Variants in GPHN observed in about 807,000 individuals in gnomAD.
GPHN encodes the protein gephyrin.
A neutral mutation model predicts 95.5 loss-of-function variants in GPHN; 17 were observed. The ratio of observed to expected loss-of-function variants is 0.18; its 90% CI spans 0.12 to 0.27. The LOEUF (loss-of-function observed/expected upper bound fraction) is 0.27. Among genes scored for constraint, GPHN ranks in the 10% least tolerant of loss-of-function variants. The probability of loss-of-function intolerance (pLI) is 1.00; values close to 1 mark genes in which losing one functional copy is unlikely to be tolerated. For synonymous variants in GPHN, 320 were observed against 322.5 expected, an observed-to-expected ratio of 0.99 and a Z score of 0.08; for missense variants, 660 against 978.1, an observed-to-expected ratio of 0.67 and a Z score of 4.34.
At chr14:66,721,194 A>G (rs905202440) in intron 2 of GPHN, among the ~76,000 whole-genome samples, 20 of 152,308 alleles carry the variant, frequency 1.3e-4, no homozygotes, top group African/African-American at 4.3e-4. Context: ...TTTCCATTAG[A>G]CACTTTGGCC....
chr14:67,169,274 G>C (rs1315862659), intron 21 of GPHN: 1 of 563,828 alleles, frequency 1.8e-6, no homozygotes, highest in Non-Finnish European at 3.2e-6. Context: ...CGAGTCCAGA[G>C]AGCACGGCTT....
intron 2 of GPHN, among the ~76,000 whole-genome samples, chr14:66,703,713 C>A (rs762884205): frequency 2.0e-5 from 3 of 148,218 alleles, no homozygotes; most frequent in Non-Finnish European, 4.4e-5. Flanking sequence ...ATGACACTAT[C>A]AAGAAACTGC....
At chr14:67,348,290 G>A in the GPHN span, among the ~76,000 whole-genome samples, 1 of 151,938 alleles carries the variant, frequency 6.6e-6, no homozygotes, top group Non-Finnish European at 1.5e-5. Context: ...GGCTGGTCTC[G>A]AACTCCCGAC....
At chr14:67,149,913 A>G (rs1365212891) in intron 18 of GPHN, among the ~76,000 whole-genome samples, 2 of 152,196 alleles carry the variant, frequency 1.3e-5, no homozygotes, top group African/African-American at 4.8e-5. Context: ...TAAGAAGTAC[A>G]TAGTTACTAA....
At chr14:67,412,657 A>G in the GPHN span, among the ~76,000 whole-genome samples, 1 of 152,206 alleles carries the variant, frequency 6.6e-6, no homozygotes, top group Non-Finnish European at 1.5e-5. Flanking sequence ...CTCCCTCAAA[A>G]AAGATGAAGC....
chr14:67,385,691 A>G, the GPHN span: 9 of 117,410 alleles, frequency 7.7e-5, no homozygotes, highest in South Asian at 7.8e-4. Flanking sequence ...AAATGGTGTT[A>G]TATTGCCTGG....
At chr14:66,891,093 A>G (rs2153540579) in intron 5 of GPHN, among the ~76,000 whole-genome samples, 1 of 152,268 alleles carries the variant, frequency 6.6e-6, no homozygotes, top group Admixed American at 6.5e-5. Context: ...CACTTAGGCA[A>G]TAAACAGAAA....
At chr14:66,840,939 A>G (rs760601196) in intron 4 of GPHN, among the ~76,000 whole-genome samples, 2 of 149,780 alleles carry the variant, frequency 1.3e-5, no homozygotes, top group Non-Finnish European at 2.9e-5. Flanking sequence ...TTAATGCTTC[A>G]TGGACTCAAA....
chr14:66,568,566 T>C (rs1394660649), intron 1 of GPHN, among the ~76,000 whole-genome samples: 3 of 152,168 alleles, frequency 2.0e-5, no homozygotes, highest in Non-Finnish European at 4.4e-5. Flanking sequence ...GAAATTTTAA[T>C]GAAAAAGTAT....
chr14:67,330,214 AG>A, the GPHN span, among the ~76,000 whole-genome samples: 4 of 150,684 alleles, frequency 2.7e-5, no homozygotes, highest in African/African-American at 9.7e-5. Flanking sequence ...AATAAGTTGG[AG>A]GGCATTTGTC....
the GPHN span, among the ~76,000 whole-genome samples, chr14:67,530,414 T>G: frequency 6.6e-6 from 1 of 152,272 alleles, no homozygotes; most frequent in Non-Finnish European, 1.5e-5. Context: ...TTCCCTCCCA[T>G]AGTGCTGTCC....
At chr14:67,205,015 G>A in the GPHN span, 2 of 1,556,196 alleles carry the variant, frequency 1.3e-6, no homozygotes, top group Non-Finnish European at 1.7e-6. Flanking sequence ...AGACAGCTCT[G>A]ATATTACAAA....
chr14:67,181,654 C>T lies in GPHN; in HGVS notation c.*717C>T, dbSNP rs1483525161. The T allele has an allele frequency of 6.4e-6, 2 of 310,160 alleles. No homozygotes were observed. The highest frequency in any genetic ancestry group is 6.2e-5 in the East Asian group (1 of 16,058). The allele number at this position is 310,160 out of a possible 1,614,324, so 19.2% of individuals were successfully genotyped here. ...CAGAACAAAAAAATAAAATCAAAGACTGATCTTGTACAGATATTAGTGTTA... is the reference window on the plus strand; with the variant it reads ...CAGAACAAAAAAATAAAATCAAAGATTGATCTTGTACAGATATTAGTGTTA... On this transcript the variant is annotated 3_prime_UTR_variant, in exon 23 of 23. Transcript: ENST00000478722.
chr14:67,657,165 A>C, the GPHN span: 1 of 152,182 alleles, frequency 6.6e-6, no homozygotes, highest in East Asian at 1.9e-4. Context: ...GGCCTGACTC[A>C]CTTGGCTTCT....
chr14:66,558,396 AT>A (rs894710708), intron 1 of GPHN, among the ~76,000 whole-genome samples: 3 of 152,120 alleles, frequency 2.0e-5, no homozygotes, highest in Non-Finnish European at 4.4e-5. Flanking sequence ...AAGATCAAAA[AT>A]TTTTTTATAT....
intron 1 of GPHN, among the ~76,000 whole-genome samples, chr14:66,554,941 G>A (rs112921618): frequency 6.6e-6 from 1 of 152,110 alleles, no homozygotes. Flanking sequence ...TGAAGTAGAA[G>A]CCTTCATATA....
chr14:66,918,074 G>T (rs905773039), intron 6 of GPHN, among the ~76,000 whole-genome samples: 3 of 152,138 alleles, frequency 2.0e-5, no homozygotes, highest in African/African-American at 7.2e-5. Flanking sequence ...TAATTTACTA[G>T]CATTCATGGA....
chr14:66,530,614 C>G (rs890177039), intron 1 of GPHN, among the ~76,000 whole-genome samples: 24 of 152,194 alleles, frequency 1.6e-4, no homozygotes, highest in Admixed American at 1.3e-4. Flanking sequence ...ATCTCCTGGT[C>G]TATGGGTTGT....
chr14:67,014,967 A>G (rs1269216867), intron 9 of GPHN, among the ~76,000 whole-genome samples: 1 of 152,226 alleles, frequency 6.6e-6, no homozygotes, highest in African/African-American at 2.4e-5. Flanking sequence ...TTAAAGCTTT[A>G]TATAGGAAAT....
Sources: gnomAD v4.1 joint callset for allele counts (sites outside exome capture counted in the v4.1 genomes callset) on GRCh38, gnomAD v4.1.1 for gene constraint, MANE v1.5 for transcripts, NCBI Gene and HGNC (gene_info 2026-07-23, HGNC 2026-07-21) for gene names.